DHX35: variants seen among roughly 807,000 people sequenced by gnomAD.
The protein encoded by DHX35 is DEAH-box helicase 35.
Under a neutral mutation model 99.6 loss-of-function variants are expected in DHX35, and 84 were observed. That is an observed-to-expected ratio of 0.84 (90% CI 0.71 to 1.01). DHX35 has a LOEUF of 1.01. Among genes scored for constraint, DHX35 ranks in the 50% least tolerant of loss-of-function variants. DHX35 has a pLI of 0.00. For missense variants in DHX35, 852 were observed against 888.5 expected, an observed-to-expected ratio of 0.96 and a Z score of 0.52; for synonymous variants, 331 against 316.2, an observed-to-expected ratio of 1.05 and a Z score of -0.50.
chr20:39,007,515 A>G (rs181860462), intron 12 of DHX35, among the ~76,000 whole-genome samples: 49 of 152,344 alleles, frequency 3.2e-4, no homozygotes, highest in Non-Finnish European at 5.6e-4. Context: ...CAGTTCCCTC[A>G]TGAAGCTACC....
intron 15 of DHX35, among the ~76,000 whole-genome samples, chr20:39,020,572 A>G (rs1412753297): frequency 6.6e-6 from 1 of 151,760 alleles, no homozygotes; most frequent in Non-Finnish European, 1.5e-5. Flanking sequence ...ATGAAGATGT[A>G]CTTTAGACCC....
intron 18 of DHX35, among the ~76,000 whole-genome samples, chr20:39,025,572 C>T (rs1476079988): frequency 6.6e-6 from 1 of 152,184 alleles, no homozygotes; most frequent in Non-Finnish European, 1.5e-5. Context: ...GATGGGCATT[C>T]TTACTAAAGG....
chr20:38,995,619 A>G (rs139213447), intron 8 of DHX35, among the ~76,000 whole-genome samples: 20 of 152,308 alleles, frequency 1.3e-4, no homozygotes, highest in Non-Finnish European at 2.6e-4. Context: ...TTGTGGACCT[A>G]TAGTTTAAAC....
At chr20:39,007,350 G>A (rs1159324352) in intron 12 of DHX35, among the ~76,000 whole-genome samples, 1 of 152,222 alleles carries the variant, frequency 6.6e-6, no homozygotes, top group African/African-American at 2.4e-5. Context: ...ACAGTCTGGT[G>A]GTGGAGGTAG....
At chr20:38,968,754 G>A (rs1015581924) in intron 1 of DHX35, among the ~76,000 whole-genome samples, 4 of 152,114 alleles carry the variant, frequency 2.6e-5, no homozygotes, top group African/African-American at 9.7e-5. Flanking sequence ...GTTTCACCTT[G>A]TTGCCCAGAC....
At chr20:38,996,772 CTG>C (rs1204463796) in intron 8 of DHX35, among the ~76,000 whole-genome samples, 1 of 152,076 alleles carries the variant, frequency 6.6e-6, no homozygotes, top group East Asian at 1.9e-4. Flanking sequence ...CTGTAGGAGT[CTG>C]TTGTTTTAGG....
At chr20:39,032,142 T>G (rs1375385674) in intron 20 of DHX35, among the ~76,000 whole-genome samples, 2 of 152,250 alleles carry the variant, frequency 1.3e-5, no homozygotes, top group Non-Finnish European at 2.9e-5. Flanking sequence ...TGATTAAAAG[T>G]ACTGATCAAC....
chr20:39,018,216 A>G (rs906332184), intron 14 of DHX35, among the ~76,000 whole-genome samples: 3 of 152,118 alleles, frequency 2.0e-5, no homozygotes, highest in Admixed American at 6.5e-5. Context: ...TGAGAAGGGC[A>G]CAGGACACGG....
At chr20:39,002,512 A>G (rs548927370) in intron 9 of DHX35, among the ~76,000 whole-genome samples, 1 of 152,388 alleles carries the variant, frequency 6.6e-6, no homozygotes, top group Admixed American at 6.5e-5. Context: ...CATACTAAAG[A>G]TAGCACATCT....
In DHX35 at chr20:39,011,995, C is replaced by T. The variant is rs2086709414; in HGVS notation, c.1347+1591C>T. Among the ~76,000 whole-genome samples the T allele has an allele frequency of 2.0e-5, 3 of 152,196 alleles. No homozygotes were observed. In the South Asian group the frequency reaches 6.2e-4, roughly 32 times the overall value. On this transcript the variant is annotated intron_variant, in intron 13 of 21. Coordinates refer to ENST00000252011, the MANE Select transcript of DHX35 (RefSeq NM_021931.4). ...GAGCGTGGTGGCTTATGCCTGTAATCCCAGCACTTTGGGAGGCCGAGGCAG... is the reference window on the plus strand; with the variant it reads ...GAGCGTGGTGGCTTATGCCTGTAATTCCAGCACTTTGGGAGGCCGAGGCAG...
chr20:38,975,343 A>G (rs1169518265), intron 3 of DHX35, among the ~76,000 whole-genome samples: 1 of 152,230 alleles, frequency 6.6e-6, no homozygotes, highest in Non-Finnish European at 1.5e-5. Context: ...ACAGGAAGAA[A>G]CAGGAGAAAG....
At chr20:39,023,009 T>C (rs2086897397) in intron 16 of DHX35, among the ~76,000 whole-genome samples, 1 of 152,238 alleles carries the variant, frequency 6.6e-6, no homozygotes, top group Non-Finnish European at 1.5e-5. Context: ...TTGTCAGTTG[T>C]ATAACTATAG....
chr20:38,991,379 A>C (rs1859478114), intron 5 of DHX35, 75 bp from the exon 6 acceptor site: 1 of 1,339,286 alleles, frequency 7.5e-7, no homozygotes, highest in South Asian at 1.3e-5. Context: ...AAGAGGTTGC[A>C]CTTGAACTTA....
intron 18 of DHX35, among the ~76,000 whole-genome samples, chr20:39,026,085 A>G (rs2086952696): frequency 6.6e-6 from 1 of 152,204 alleles, no homozygotes; most frequent in Non-Finnish European, 1.5e-5. Context: ...CCGCCTCAGC[A>G]GTCAGCCTGA....
At chr20:39,022,071 G>A (rs544563981) in intron 16 of DHX35, 136 bp downstream of exon 16, 37 of 743,970 alleles carry the variant, frequency 5.0e-5, no homozygotes, top group African/African-American at 4.7e-4. Context: ...TGTTTATTCC[G>A]TGCTTGATGT....
chr20:39,024,616 T>C (rs1156605358), intron 17 of DHX35, among the ~76,000 whole-genome samples: 1 of 152,230 alleles, frequency 6.6e-6, no homozygotes, highest in Non-Finnish European at 1.5e-5. Flanking sequence ...GTCTACATTG[T>C]ATTATTCTAT....
chr20:38,997,862 T>C (rs2086455906), intron 8 of DHX35, among the ~76,000 whole-genome samples: 1 of 152,150 alleles, frequency 6.6e-6, no homozygotes, highest in Non-Finnish European at 1.5e-5. Flanking sequence ...AGGAAACATT[T>C]TGATCTAGAG....
rs754253575 is a variant in DHX35 at position 39,006,371 on chromosome 20, C to T, written c.1222+15C>T. The stretch of plus-strand genomic sequence containing the variant: ...CCTTTATACAGGTTAGTGTGGCTTT[C>T]CCTAAGGGTTTTTGACTTTCTTATA... On this transcript the variant is annotated intron_variant, in intron 12 of 21. Coordinates refer to ENST00000252011, the MANE Select transcript of DHX35 (RefSeq NM_021931.4). The T allele has an allele frequency of 6.2e-7, 1 of 1,609,760 alleles. No homozygotes were observed. Among genetic ancestry groups the T allele is most frequent in the African/African-American group, 1.3e-5 (1 of 74,820 alleles).
At chr20:38,988,534 G>T (rs747558078) in intron 4 of DHX35, among the ~76,000 whole-genome samples, 7 of 152,172 alleles carry the variant, frequency 4.6e-5, no homozygotes, top group Non-Finnish European at 1.0e-4. Flanking sequence ...GGAGGTTGAG[G>T]CAGGAGGATT....
Sources: allele counts gnomAD v4.1 joint callset (sites outside exome capture counted in the v4.1 genomes callset), GRCh38; gene constraint gnomAD v4.1.1; transcripts MANE v1.5; gene names NCBI Gene and HGNC (gene_info 2026-07-23, HGNC 2026-07-21).